The following ICA1L variants were observed in gnomAD, a reference collection of about 807,000 sequenced individuals.
The protein encoded by ICA1L is islet cell autoantigen 1-like protein.
ICA1L carries 50 observed loss-of-function variants against 61.3 expected under a neutral mutation model. The observed-to-expected ratio is 0.82, with a 90% CI of 0.65 to 1.03. ICA1L has a LOEUF of 1.03. Among genes scored for constraint, ICA1L ranks in the 50% least tolerant of loss-of-function variants. ICA1L has a pLI of 0.00. For missense variants in ICA1L, 508 were observed against 556.7 expected, an observed-to-expected ratio of 0.91 and a Z score of 0.88; for synonymous variants, 161 against 191.3, an observed-to-expected ratio of 0.84 and a Z score of 1.31.
At chr2:202,841,403 C>G in intron 1 of ICA1L, 1 of 1,146,204 alleles carries the variant, frequency 8.7e-7, no homozygotes, top group East Asian at 2.3e-5. Context: ...TCTGCTGCTG[C>G]AGGAGGGCTC....
intron 1 of ICA1L, chr2:202,870,762 T>G (rs1341825893): frequency 6.6e-6 from 1 of 152,250 alleles, no homozygotes; most frequent in Non-Finnish European, 1.5e-5. Context: ...ACCCATAGTT[T>G]ATAACAGCTT....
At chr2:202,843,678 C>T (rs558633971) in intron 1 of ICA1L, among the ~76,000 whole-genome samples, 5 of 152,250 alleles carry the variant, frequency 3.3e-5, no homozygotes, top group African/African-American at 7.2e-5. Flanking sequence ...TAACAGAATG[C>T]GAGATGCAGA....
chr2:202,812,296 G>A (rs1693398623), intron 8 of ICA1L, among the ~76,000 whole-genome samples: 1 of 152,160 alleles, frequency 6.6e-6, no homozygotes, highest in African/African-American at 2.4e-5. Flanking sequence ...CAAAGAAATA[G>A]GGCCGGGTGT....
At chr2:202,803,400 C>CAAAAAAA (rs71030990) in intron 9 of ICA1L, among the ~76,000 whole-genome samples, 19 of 60,614 alleles carry the variant, frequency 3.1e-4, no homozygotes, top group Non-Finnish European at 5.2e-4. Context: ...GACTCGATCT[C>CAAAAAAA]AAAAAAAAAA....
At position 202,773,893 on chromosome 2, in the gene ICA1L, C is replaced by T; in HGVS notation, c.*5640G>A. ...GAGTGGAACAGTCCTGCTAAATAAA[C>T]CAGTGGAATAAGAACAGTCAACGTA... On this transcript the variant is annotated 3_prime_UTR_variant, in exon 13 of 13. Coordinates refer to ENST00000358299, the MANE Select transcript of ICA1L (RefSeq NM_001288622.3). 3 of 1,269,010 alleles carry T rather than the reference C, an allele frequency of 2.4e-6. No homozygotes were observed. Among genetic ancestry groups the T allele is most frequent in the Non-Finnish European group, 3.4e-6 (3 of 872,154 alleles). The allele number at this position is 1,269,010 out of a possible 1,614,324, so 78.6% of individuals were successfully genotyped here. A position where few individuals can be genotyped will look rare whatever the true frequency, so the allele number is the denominator to read the frequency against.
In ICA1L at chr2:202,778,227, T is replaced by C. The variant is rs1199665350; in HGVS notation, c.*1306A>G. On this transcript the variant is annotated 3_prime_UTR_variant, in exon 13 of 13. Transcript: ENST00000358299. ...AATGCAATGGACTGGATGACAAATATAAAACAAACACACACTTGGGAAATT... is the reference window on the plus strand; with the variant it reads ...AATGCAATGGACTGGATGACAAATACAAAACAAACACACACTTGGGAAATT... The C allele has an allele frequency of 2.0e-5, 3 of 152,046 alleles. No homozygotes were observed. The highest frequency in any genetic ancestry group is 4.4e-5 in the Non-Finnish European group (3 of 68,008). The allele number at this position is 152,046 out of a possible 1,614,324, so 9.4% of individuals were successfully genotyped here.
intron 1 of ICA1L, 80 bp from the exon 2 acceptor site, chr2:202,829,096 TC>T: frequency 8.2e-7 from 1 of 1,222,630 alleles, no homozygotes; most frequent in Non-Finnish European, 1.1e-6. Context: ...CGCCTGTAAT[TC>T]CACAACTTTG....
intron 4 of ICA1L, among the ~76,000 whole-genome samples, chr2:202,820,374 C>CAAA (rs372412225): frequency 9.2e-6 from 1 of 108,488 alleles, no homozygotes; most frequent in Non-Finnish European, 1.9e-5. Context: ...AACTCCATCT[C>CAAA]AAAAAAAAAA....
chr2:202,841,143 C>A, intron 1 of ICA1L: 1 of 644,164 alleles, frequency 1.6e-6, no homozygotes, highest in Non-Finnish European at 2.9e-6. Flanking sequence ...CCCTTCCAGG[C>A]AAGACTCTAG....
At chr2:202,866,388 T>C (rs912825797) in intron 1 of ICA1L, among the ~76,000 whole-genome samples, 2 of 152,214 alleles carry the variant, frequency 1.3e-5, no homozygotes, top group African/African-American at 2.4e-5. Context: ...TGCTGCACCA[T>C]GCTTCTTGTA....
rs1055039774 is a variant in ICA1L, at chr2:202,869,134, C to T, written c.-8+2485G>A. Reference sequence around the variant, plus strand: ...CAGTACTTTGGGAGGCTGAGGCGGGCGGATCACGAGGTCAGGAGATCGAGA... The same window carrying T: ...CAGTACTTTGGGAGGCTGAGGCGGGTGGATCACGAGGTCAGGAGATCGAGA... On this transcript the variant is annotated intron_variant, in intron 1 of 12. Coordinates refer to ENST00000358299, the MANE Select transcript of ICA1L (RefSeq NM_001288622.3). Among the ~76,000 whole-genome samples the T allele has an allele frequency of 7.9e-5, 12 of 151,614 alleles. No individual in the cohort carries two copies. The East Asian group carries it at 2.1e-3, about 27-fold the overall frequency.
chr2:202,791,827 A>G lies in ICA1L; in HGVS notation c.986-2740T>C, dbSNP rs147276173. ...GCCATTGCACTCAAGCCTGGGCAAC[A>G]AGAGCAAAACTCTTGTCTCAAAAAA... On this transcript the variant is annotated intron_variant, in intron 10 of 12. Coordinates refer to ENST00000358299, the MANE Select transcript of ICA1L (RefSeq NM_001288622.3). Among the ~76,000 whole-genome samples the G allele has an allele frequency of 4.8e-3, 724 of 152,146 alleles. 1 individual carries two copies. The highest frequency in any genetic ancestry group is 7.9e-3 in the Non-Finnish European group (537 of 67,950).
chr2:202,855,043 C>T (rs746049211), intron 1 of ICA1L, among the ~76,000 whole-genome samples: 1 of 152,080 alleles, frequency 6.6e-6, no homozygotes, highest in Non-Finnish European at 1.5e-5. Context: ...TGCTCCTGAA[C>T]GACTACTGGG....
At chr2:202,816,148 AG>A (rs1693527435) in intron 6 of ICA1L, 139 bp from the exon 7 acceptor site, 6 of 552,762 alleles carry the variant, frequency 1.1e-5, no homozygotes, top group Non-Finnish European at 1.9e-5. Context: ...TTCCAAGTTT[AG>A]GGAACCATAA....
chr2:202,785,825 G>T, intron 12 of ICA1L, 93 bp downstream of exon 12: 1 of 674,324 alleles, frequency 1.5e-6, no homozygotes, highest in Non-Finnish European at 2.5e-6. Flanking sequence ...GGACAATGAG[G>T]TGAAAACAAT....
At chr2:202,861,112 C>A (rs145643482) in intron 1 of ICA1L, among the ~76,000 whole-genome samples, 10 of 151,552 alleles carry the variant, frequency 6.6e-5, no homozygotes, top group Non-Finnish European at 7.4e-5. Flanking sequence ...TGCCTGTAAT[C>A]CCAGCTACTT....
chr2:202,825,483 A>T, intron 3 of ICA1L: 8 of 1,280,352 alleles, frequency 6.2e-6, no homozygotes, highest in Non-Finnish European at 7.9e-6. Flanking sequence ...GAAAAAAAAT[A>T]TCAGCAAAAA....
At chr2:202,855,793 C>T (rs1028921475) in intron 1 of ICA1L, among the ~76,000 whole-genome samples, 6 of 152,038 alleles carry the variant, frequency 3.9e-5, no homozygotes, top group South Asian at 2.1e-4. Context: ...AAGAGGGACT[C>T]GGCTGGGCGC....
At chr2:202,864,436 G>A (rs952001448) in intron 1 of ICA1L, among the ~76,000 whole-genome samples, 9 of 151,840 alleles carry the variant, frequency 5.9e-5, no homozygotes, top group South Asian at 2.1e-4. Flanking sequence ...TAGTAGAGAC[G>A]GGGTTTCACC....
Sources: allele counts gnomAD v4.1 joint callset (sites outside exome capture counted in the v4.1 genomes callset), GRCh38; gene constraint gnomAD v4.1.1; transcripts MANE v1.5; gene names NCBI Gene and HGNC (gene_info 2026-07-23, HGNC 2026-07-21).